Variants in AGMO observed in about 807,000 individuals in gnomAD.
AGMO encodes the protein alkylglycerol monooxygenase.
A neutral mutation model predicts 60.2 loss-of-function variants in AGMO; 75 were observed. The observed-to-expected ratio is 1.25, with a 90% CI of 1.03 to 1.51. The LOEUF (loss-of-function observed/expected upper bound fraction) is 1.51. Among genes scored for constraint, AGMO ranks in the 40% most tolerant of loss-of-function variants. AGMO has a pLI of 0.00. For missense variants in AGMO, 763 were observed against 525.5 expected, an observed-to-expected ratio of 1.45 and a Z score of -4.42; for synonymous variants, 261 against 177.1, an observed-to-expected ratio of 1.47 and a Z score of -3.76.
At chr7:15,330,566 C>G (rs1319184772) in intron 12 of AGMO, among the ~76,000 whole-genome samples, 4 of 152,174 alleles carry the variant, frequency 2.6e-5, no homozygotes, top group Admixed American at 1.3e-4. Context: ...ACTCCCTTTA[C>G]TTCAAATTCT....
chr7:15,139,977 T>C, the AGMO span, among the ~76,000 whole-genome samples: 5 of 150,900 alleles, frequency 3.3e-5, no homozygotes, highest in Admixed American at 2.6e-4. Context: ...GGAAATAGAA[T>C]ACAAGTAGGG....
At chr7:15,363,700 CA>C (rs1425567656) in intron 12 of AGMO, among the ~76,000 whole-genome samples, 4 of 152,270 alleles carry the variant, frequency 2.6e-5, no homozygotes, top group Non-Finnish European at 4.4e-5. Flanking sequence ...ACCATCTCAT[CA>C]TCAAAGAATA....
At chr7:15,559,259 A>G (rs1391942686) in intron 2 of AGMO, among the ~76,000 whole-genome samples, 1 of 151,990 alleles carries the variant, frequency 6.6e-6, no homozygotes, top group African/African-American at 2.4e-5. Flanking sequence ...AAGAACATAC[A>G]CCTCTTGCTC....
intron 5 of AGMO, among the ~76,000 whole-genome samples, chr7:15,397,773 AT>A (rs1458853081): frequency 6.6e-6 from 1 of 152,204 alleles, no homozygotes; most frequent in East Asian, 1.9e-4. Context: ...GATTATTTGT[AT>A]TTTTAATTTC....
At chr7:15,270,716 T>C (rs2128513661) in intron 12 of AGMO, among the ~76,000 whole-genome samples, 1 of 150,066 alleles carries the variant, frequency 6.7e-6, no homozygotes, top group South Asian at 2.1e-4. Flanking sequence ...TGGGATCTTC[T>C]TCATAAATTC....
chr7:15,497,731 A>G (rs1783269893), intron 3 of AGMO, among the ~76,000 whole-genome samples: 1 of 152,052 alleles, frequency 6.6e-6, no homozygotes, highest in Non-Finnish European at 1.5e-5. Flanking sequence ...CTTAATGACT[A>G]TATATTTCCT....
At chr7:15,346,948 GCTC>G (rs932302262) in intron 12 of AGMO, among the ~76,000 whole-genome samples, 1 of 151,620 alleles carries the variant, frequency 6.6e-6, no homozygotes, top group Admixed American at 6.6e-5. Context: ...GTAAATATAG[GCTC>G]CTTTTTTAAG....
chr7:15,403,624 T>G (rs1003981002), intron 5 of AGMO, among the ~76,000 whole-genome samples: 3 of 152,016 alleles, frequency 2.0e-5, no homozygotes, highest in African/African-American at 7.2e-5. Context: ...ATAAAATCCA[T>G]GAACACTATA....
chr7:15,291,751 A>G (rs1784269987), intron 12 of AGMO, among the ~76,000 whole-genome samples: 1 of 152,204 alleles, frequency 6.6e-6, no homozygotes, highest in South Asian at 2.1e-4. Flanking sequence ...AATGCATCGT[A>G]GAAACATCAG....
intron 12 of AGMO, among the ~76,000 whole-genome samples, chr7:15,236,204 A>G (rs1782414943): frequency 6.6e-6 from 1 of 152,138 alleles, no homozygotes; most frequent in African/African-American, 2.4e-5. Flanking sequence ...TCTTAAGGAA[A>G]AGGTAAATTT....
chr7:15,206,330 A>T (rs1464410419), intron 12 of AGMO, among the ~76,000 whole-genome samples: 1 of 148,702 alleles, frequency 6.7e-6, no homozygotes, highest in Non-Finnish European at 1.5e-5. Flanking sequence ...TTCACTTTGA[A>T]AATATTCTAT....
chr7:15,228,654 T>G (rs940824723), intron 12 of AGMO, among the ~76,000 whole-genome samples: 1 of 152,072 alleles, frequency 6.6e-6, no homozygotes, highest in Non-Finnish European at 1.5e-5. Context: ...ATAAGTAAAA[T>G]ATACCAAGAG....
rs1221748500 is a variant in AGMO, at chr7:15,327,704, G to C, written c.1263+37810C>G. On this transcript the variant is annotated intron_variant, in intron 12 of 12. Coordinates refer to ENST00000342526, the MANE Select transcript of AGMO (RefSeq NM_001004320.2). The stretch of plus-strand genomic sequence containing the variant: ...TTAAGCCCTGAGGGGGAGAGAAAGA[G>C]AGGTTTTCATGAAAAAATGATAAAC... Among the ~76,000 whole-genome samples, 116 of 149,558 alleles carry C rather than the reference G, an allele frequency of 7.8e-4. 2 individuals are homozygous for C. Among genetic ancestry groups the C allele is most frequent in the Admixed American group, 7.7e-3 (116 of 15,004 alleles).
intron 3 of AGMO, among the ~76,000 whole-genome samples, chr7:15,472,209 G>A (rs1255426677): frequency 6.6e-6 from 1 of 151,818 alleles, no homozygotes; most frequent in Non-Finnish European, 1.5e-5. Context: ...CAACCTTTGG[G>A]TTGAAGTTCT....
chr7:15,450,445 T>C (rs566942364), intron 3 of AGMO, among the ~76,000 whole-genome samples: 1 of 151,880 alleles, frequency 6.6e-6, no homozygotes, highest in African/African-American at 2.4e-5. Flanking sequence ...AAAAAAAATT[T>C]GTATTTCAGT....
At position 15,367,781 on chromosome 7, in the gene AGMO, G is replaced by A. The variant is rs1039955063; in HGVS notation, c.1075-1559C>T. ...AGTTCCATCTTTATGAAAACCCAGA[G>A]GTGTGATACAACAGATTGGCTAAAA... On this transcript the variant is annotated intron_variant, in intron 10 of 12. Coordinates refer to ENST00000342526, the MANE Select transcript of AGMO (RefSeq NM_001004320.2). Among the ~76,000 whole-genome samples the A allele has an allele frequency of 3.3e-5, 5 of 152,134 alleles. No homozygotes were observed. The East Asian group carries it at 9.7e-4, about 29-fold the overall frequency.
intron 12 of AGMO, among the ~76,000 whole-genome samples, chr7:15,342,225 T>TAA (rs917085492): frequency 7.4e-6 from 1 of 134,466 alleles, no homozygotes; most frequent in Non-Finnish European, 1.5e-5. Context: ...CTAAGAGACT[T>TAA]AGAGATTGGG....
At chr7:15,255,348 C>G (rs1783064507) in intron 12 of AGMO, among the ~76,000 whole-genome samples, 1 of 152,094 alleles carries the variant, frequency 6.6e-6, no homozygotes, top group Non-Finnish European at 1.5e-5. Context: ...TACCCCAGAA[C>G]TTAAAGCACA....
intron 3 of AGMO, among the ~76,000 whole-genome samples, chr7:15,505,370 G>T (rs2128527308): frequency 6.6e-6 from 1 of 152,064 alleles, no homozygotes; most frequent in South Asian, 2.1e-4. Context: ...AGAATCCAAA[G>T]CTAAAACGTG....
Sources: allele counts gnomAD v4.1 joint callset (sites outside exome capture counted in the v4.1 genomes callset), GRCh38; gene constraint gnomAD v4.1.1; transcripts MANE v1.5; gene names NCBI Gene and HGNC (gene_info 2026-07-23, HGNC 2026-07-21).